ANKRD12: variants seen among roughly 807,000 people sequenced by gnomAD.
ANKRD12 encodes ankyrin repeat domain-containing protein 12.
ANKRD12 carries 85 observed loss-of-function variants against 183.4 expected under a neutral mutation model. The observed-to-expected ratio is 0.46, with a 90% CI of 0.39 to 0.56. ANKRD12 has a LOEUF of 0.56. Ranked by LOEUF, ANKRD12 falls within the 20% of genes least tolerant of loss-of-function variation. The pLI is 0.00. For missense variants in ANKRD12, 2,405 were observed against 2,357.1 expected, an observed-to-expected ratio of 1.02 and a Z score of -0.42; for synonymous variants, 914 against 800.2, an observed-to-expected ratio of 1.14 and a Z score of -2.40.
At chr18:9,210,583 A>G (rs2035739522) in intron 5 of ANKRD12, among the ~76,000 whole-genome samples, 1 of 151,870 alleles carries the variant, frequency 6.6e-6, no homozygotes, top group Non-Finnish European at 1.5e-5. Context: ...TCAGCCGGGC[A>G]TGGTGGCACA....
rs2040203608 is a variant in ANKRD12, at chr18:9,285,671, A to G, written c.*4545A>G. ...TAAGATATTGTAAAACATTTTCATT[A>G]CTCTAGAAAGTTCACTCATGCCTCT... On this transcript the variant is annotated 3_prime_UTR_variant, in exon 13 of 13. Transcript: ENST00000262126. The G allele has an allele frequency of 6.6e-6, 1 of 152,120 alleles. No homozygotes were observed. The highest frequency in any genetic ancestry group is 1.5e-5 in the Non-Finnish European group (1 of 68,020). 9.4% of individuals were successfully genotyped at this position (152,120 alleles called of 1,614,324 possible).
intron 8 of ANKRD12, among the ~76,000 whole-genome samples, chr18:9,247,182 C>T (rs2038011647): frequency 6.6e-6 from 1 of 151,948 alleles, no homozygotes; most frequent in Admixed American, 6.6e-5. Flanking sequence ...TGCCATAGAG[C>T]CTACTATTAA....
At chr18:9,196,435 G>C (rs944458426) in intron 3 of ANKRD12, among the ~76,000 whole-genome samples, 3 of 152,120 alleles carry the variant, frequency 2.0e-5, no homozygotes, top group Admixed American at 1.3e-4. Flanking sequence ...ATTTACTGTA[G>C]TTTTAGTCAT....
At chr18:9,201,327 G>A (rs1350929801) in intron 3 of ANKRD12, among the ~76,000 whole-genome samples, 1 of 152,106 alleles carries the variant, frequency 6.6e-6, no homozygotes, top group Non-Finnish European at 1.5e-5. Flanking sequence ...TAGTCTTAAC[G>A]GTGTCCAAGG....
intron 1 of ANKRD12, among the ~76,000 whole-genome samples, chr18:9,141,185 C>T (rs1392961658): frequency 6.7e-6 from 1 of 148,434 alleles, no homozygotes; most frequent in East Asian, 2.0e-4. Context: ...GCCAGCAACC[C>T]TTTTTATGAG....
rs36102081 is a variant in ANKRD12 at position 9,174,929 on chromosome 18, C to CATTT, written c.-51-7427_-51-7424dup. Among the ~76,000 whole-genome samples the CATTT allele has an allele frequency of 1.5e-3, 230 of 150,184 alleles. 2 individuals are homozygous for CATTT. Among genetic ancestry groups the CATTT allele is most frequent in the African/African-American group, 4.7e-3 (190 of 40,758 alleles). ...AGTGACTAGAGCAAACAGACCAAAGCATTTATTTATTTATTTATTTATTTA... is the reference window on the plus strand; with the variant it reads ...AGTGACTAGAGCAAACAGACCAAAGCATTTATTTATTTATTTATTTATTTATTTA... On this transcript the variant is annotated intron_variant, in intron 1 of 12. Coordinates refer to ENST00000262126, the MANE Select transcript of ANKRD12 (RefSeq NM_015208.5).
intron 8 of ANKRD12, among the ~76,000 whole-genome samples, chr18:9,242,904 G>C (rs1598665453): frequency 6.6e-6 from 1 of 152,136 alleles, no homozygotes; most frequent in East Asian, 1.9e-4. Context: ...TTCTTATCTG[G>C]CATACTTACC....
chr18:9,156,344 TGAG>T (rs1022866638), intron 1 of ANKRD12, among the ~76,000 whole-genome samples: 2 of 151,746 alleles, frequency 1.3e-5, no homozygotes, highest in African/African-American at 4.8e-5. Context: ...AGAAAAACGG[TGAG>T]GAGGGAGTAA....
chr18:9,238,387 C>T (rs913061760), intron 8 of ANKRD12, among the ~76,000 whole-genome samples: 1 of 152,182 alleles, frequency 6.6e-6, no homozygotes, highest in Non-Finnish European at 1.5e-5. Flanking sequence ...TTCTCTTAAG[C>T]TTCAAACTTA....
chr18:9,139,219 G>T (rs2078234074), intron 1 of ANKRD12, among the ~76,000 whole-genome samples: 1 of 152,096 alleles, frequency 6.6e-6, no homozygotes, highest in Admixed American at 6.5e-5. Context: ...ACTTACACTG[G>T]TTTGTTAATA....
At chr18:9,250,843 C>T (rs895693881) in intron 8 of ANKRD12, among the ~76,000 whole-genome samples, 5 of 152,050 alleles carry the variant, frequency 3.3e-5, no homozygotes, top group Non-Finnish European at 7.4e-5. Flanking sequence ...TGGTATGCCA[C>T]GGAGGTGAGG....
At chr18:9,146,238 G>T (rs1330256849) in intron 1 of ANKRD12, among the ~76,000 whole-genome samples, 1 of 152,168 alleles carries the variant, frequency 6.6e-6, no homozygotes, top group Non-Finnish European at 1.5e-5. Flanking sequence ...AAACATTTGT[G>T]TGGTTATATG....
intron 8 of ANKRD12, among the ~76,000 whole-genome samples, chr18:9,243,462 G>T (rs895726155): frequency 6.6e-6 from 1 of 152,170 alleles, no homozygotes; most frequent in African/African-American, 2.4e-5. Context: ...TGACAGATAA[G>T]AAGGGACAGC....
intron 1 of ANKRD12, 67 bp from the exon 2 acceptor site, chr18:9,182,315 G>T (rs2033752249): frequency 2.1e-6 from 1 of 482,528 alleles, no homozygotes; most frequent in Non-Finnish European, 3.4e-6. Context: ...AAACAAATTG[G>T]ACTAATTGTG....
At chr18:9,278,663 G>T (rs2039966474) in intron 11 of ANKRD12, among the ~76,000 whole-genome samples, 2 of 152,152 alleles carry the variant, frequency 1.3e-5, no homozygotes, top group Non-Finnish European at 2.9e-5. Context: ...CAGGTGTGGT[G>T]GCGGGTGCCT....
intron 6 of ANKRD12, among the ~76,000 whole-genome samples, chr18:9,215,345 A>G (rs2036035674): frequency 6.6e-6 from 1 of 152,116 alleles, no homozygotes; most frequent in Admixed American, 6.6e-5. Flanking sequence ...CCCAGCTGCC[A>G]GTCTTTTGGT....
chr18:9,221,619 C>T (rs2036425122), intron 7 of ANKRD12, among the ~76,000 whole-genome samples: 1 of 152,010 alleles, frequency 6.6e-6, no homozygotes, highest in Admixed American at 6.6e-5. Flanking sequence ...GCTAAAATAA[C>T]CCAGTTTAAA....
At chr18:9,271,573 G>C (rs1299051393) in intron 10 of ANKRD12, among the ~76,000 whole-genome samples, 2 of 152,092 alleles carry the variant, frequency 1.3e-5, no homozygotes, top group Admixed American at 1.3e-4. Context: ...GCCCAGGCTG[G>C]TCTCAAATTC....
At chr18:9,170,268 A>C (rs2032561659) in intron 1 of ANKRD12, among the ~76,000 whole-genome samples, 1 of 152,128 alleles carries the variant, frequency 6.6e-6, no homozygotes, top group Non-Finnish European at 1.5e-5. Flanking sequence ...CTGCCTTGCT[A>C]GATTGGGGAA....
Sources: gnomAD v4.1 joint callset for allele counts (sites outside exome capture counted in the v4.1 genomes callset) on GRCh38, gnomAD v4.1.1 for gene constraint, MANE v1.5 for transcripts, NCBI Gene and HGNC (gene_info 2026-07-23, HGNC 2026-07-21) for gene names.